Variants in SUPT5H observed in about 807,000 individuals in gnomAD.
SUPT5H encodes the protein transcription elongation factor SPT5.
Under a neutral mutation model 142.5 loss-of-function variants are expected in SUPT5H, and 24 were observed. The observed-to-expected ratio is 0.17, with a 90% CI of 0.12 to 0.24. SUPT5H has a LOEUF of 0.24. Ranked by LOEUF, SUPT5H falls within the 10% of genes least tolerant of loss-of-function variation. SUPT5H has a pLI of 1.00. For synonymous variants in SUPT5H, 546 were observed against 553.0 expected (o/e 0.99, Z 0.18); for missense variants, 893 against 1,471.8 (o/e 0.61, Z 6.43).
intron 2 of SUPT5H, among the ~76,000 whole-genome samples, chr19:39,450,336 C>T (rs2079005351): frequency 6.6e-6 from 1 of 151,788 alleles, no homozygotes; most frequent in South Asian, 2.1e-4. Flanking sequence ...AGTGTAGTGG[C>T]ACAATCGCGG....
intron 2 of SUPT5H, among the ~76,000 whole-genome samples, chr19:39,446,582 A>T (rs561638091): frequency 1.0e-3 from 155 of 152,294 alleles, no homozygotes; most frequent in Non-Finnish European, 1.7e-3. Context: ...AGGTGCAGAG[A>T]TGGGAGTGTG....
At position 39,452,901 on chromosome 19, in the gene SUPT5H, T is replaced by C. The variant is rs2079037891; in HGVS notation, c.76-455T>C. ...GGTGGCGCACACCTGTAATCTCAGC[T>C]ACTCAGGAGGCTGAGGCAAGAGAAT... On this transcript the variant is annotated intron_variant, in intron 2 of 29. Coordinates refer to ENST00000432763, the MANE Select transcript of SUPT5H (RefSeq NM_001111020.3). Among the ~76,000 whole-genome samples, 3 of 151,476 alleles carry C rather than the reference T, an allele frequency of 2.0e-5. No individual in the cohort carries two copies. The East Asian group carries it at 5.8e-4, about 29-fold the overall frequency.
chr19:39,453,627 G>A, intron 3 of SUPT5H, 106 bp downstream of exon 3: 1 of 1,343,776 alleles, frequency 7.4e-7, no homozygotes, highest in Non-Finnish European at 9.8e-7. Context: ...CGCCCAGGCT[G>A]GAGTGCAGTA....
chr19:39,454,330 AG>A (rs1425217211), intron 3 of SUPT5H, among the ~76,000 whole-genome samples: 1 of 151,146 alleles, frequency 6.6e-6, no homozygotes, highest in Admixed American at 6.6e-5. Context: ...TGCTAGGTAA[AG>A]GTGGTGCATT....
At chr19:39,450,621 A>T (rs1196038372) in intron 2 of SUPT5H, among the ~76,000 whole-genome samples, 1 of 152,236 alleles carries the variant, frequency 6.6e-6, no homozygotes. Context: ...GAAGCTGAGC[A>T]GGGGAACAAA....
chr19:39,465,361 C>T (rs910609635), intron 11 of SUPT5H, among the ~76,000 whole-genome samples: 3 of 152,092 alleles, frequency 2.0e-5, no homozygotes, highest in Non-Finnish European at 2.9e-5. Flanking sequence ...GCAGGGATGG[C>T]GTGAGATGAG....
At position 39,469,901 on chromosome 19, in the gene SUPT5H, G is replaced by A. The variant is rs1057008667; in HGVS notation, c.1375-218G>A. On this transcript the variant is annotated intron_variant, in intron 16 of 29. Transcript: ENST00000432763. This position sits in a 1 kb window ranked among gnomAD's most constrained non-coding sequence, Gnocchi z 5.1. ...GCATCGTGTGTCTTGAGGGCGGGCT[G>A]GGGTAAAGGTTGTCCAGGTTGGTGT... The A allele has an allele frequency of 6.9e-6, 4 of 580,772 alleles. No individual in the cohort carries two copies. Among genetic ancestry groups the A allele is most frequent in the South Asian group, 6.2e-5 (3 of 48,244 alleles). 36.0% of individuals were successfully genotyped at this position (580,772 alleles called of 1,614,324 possible).
At position 39,469,117 on chromosome 19, in the gene SUPT5H, A is replaced by G. The variant is rs2079282719; in HGVS notation, c.1182A>G (p.Glu394=). ...TGAAGCCAACACTCTCTGAGCTGGA[A>G]AAGTTTGAGGACCAGCCAGAGGGCA... ...EGVKPTLSEL[E]KFEDQPEGID... The change falls in exon 15 of 30, where the codon GAA becomes GAG. Residue 394 remains glutamate (E), a synonymous_variant. Transcript: ENST00000432763. The surrounding 1 kb of genome is among the most constrained non-coding windows in gnomAD (Gnocchi z 5.1). 1 of 1,614,184 alleles carries G rather than the reference A, an allele frequency of 6.2e-7. No homozygotes were observed. Among genetic ancestry groups the G allele is most frequent in the Non-Finnish European group, 8.5e-7 (1 of 1,180,020 alleles).
chr19:39,464,655 G>T, intron 10 of SUPT5H, 143 bp from the exon 11 acceptor site: 1 of 1,243,140 alleles, frequency 8.0e-7, no homozygotes, highest in Non-Finnish European at 1.1e-6. Flanking sequence ...ATTCTGCAGG[G>T]AACACCTTTG....
Position 39,457,700 on chromosome 19 carries a change from G to A in SUPT5H, c.267G>A (p.Glu89=), listed in dbSNP as rs1241831380. The A allele has an allele frequency of 3.7e-6, 6 of 1,614,130 alleles. No homozygotes were observed. In the South Asian group the frequency reaches 6.6e-5, roughly 18 times the overall value. ...ATGTTGACGATGAGTATGAGGACGA[G>A]GACCAGTGGGAGGATGGAGCAGAGG... ...EADVDDEYED[E]DQWEDGAEDI... Residue 89 remains glutamate (E), a synonymous_variant, in exon 4 of 30, where the codon GAG becomes GAA. Coordinates refer to ENST00000432763, the MANE Select transcript of SUPT5H (RefSeq NM_001111020.3).
Position 39,469,887 on chromosome 19 carries a change from C to T in SUPT5H, c.1375-232C>T. On this transcript the variant is annotated intron_variant, in intron 16 of 29. Coordinates refer to ENST00000432763, the MANE Select transcript of SUPT5H (RefSeq NM_001111020.3). The surrounding 1 kb of genome is among the most constrained non-coding windows in gnomAD (Gnocchi z 5.1). ...GTGGGTATAGGTAGGCATCGTGTGTCTTGAGGGCGGGCTGGGGTAAAGGTT... is the reference window on the plus strand; with the variant it reads ...GTGGGTATAGGTAGGCATCGTGTGTTTTGAGGGCGGGCTGGGGTAAAGGTT... 1.8e-6 allele frequency: 1 copy of T among 548,318 alleles called. No homozygotes were observed. The allele number at this position is 548,318 out of a possible 1,614,324, so 34.0% of individuals were successfully genotyped here. A position where few individuals can be genotyped will look rare whatever the true frequency, so the allele number is the denominator to read the frequency against.
chr19:39,458,735 C>T lies in SUPT5H; in HGVS notation c.320-83C>T. 7.5e-7 allele frequency: 1 copy of T among 1,335,242 alleles called. No individual in the cohort carries two copies. Among genetic ancestry groups the T allele is most frequent in the Non-Finnish European group, 1.0e-6 (1 of 970,522 alleles). The allele number at this position is 1,335,242 out of a possible 1,614,324, so 82.7% of individuals were successfully genotyped here. On this transcript the variant is annotated intron_variant, in intron 5 of 29. Transcript: ENST00000432763. This position sits in a 1 kb window ranked among gnomAD's most constrained non-coding sequence, Gnocchi z 4.2. Reference sequence around the variant, plus strand: ...TCCTGCCCCAGGGCCAAACCCTGGCCCTCTTAGCTGCACGCTCCTATTTTC... The same window carrying T: ...TCCTGCCCCAGGGCCAAACCCTGGCTCTCTTAGCTGCACGCTCCTATTTTC...
intron 10 of SUPT5H, 123 bp from the exon 11 acceptor site, chr19:39,464,675 C>G (rs1363821761): frequency 7.2e-7 from 1 of 1,394,710 alleles, no homozygotes; most frequent in Non-Finnish European, 9.7e-7. Context: ...GTGTCCATGT[C>G]ATTGTGCCAG....
intron 8 of SUPT5H, 103 bp from the exon 9 acceptor site, chr19:39,459,456 A>C: frequency 1.4e-6 from 2 of 1,466,952 alleles, no homozygotes; most frequent in African/African-American, 1.4e-5. Context: ...GTGTGAGGGA[A>C]CCTGGATGTG....
chr19:39,451,864 C>T (rs2079026724), intron 2 of SUPT5H, among the ~76,000 whole-genome samples: 1 of 152,098 alleles, frequency 6.6e-6, no homozygotes, highest in African/African-American at 2.4e-5. Context: ...GGATGTTCAA[C>T]CTGTATTAGG....
At chr19:39,450,038 A>G (rs1280827121) in intron 2 of SUPT5H, among the ~76,000 whole-genome samples, 3 of 151,358 alleles carry the variant, frequency 2.0e-5, no homozygotes, top group Non-Finnish European at 4.4e-5. Flanking sequence ...CCTGAGGATC[A>G]AGCAATCCTC....
In SUPT5H at chr19:39,469,974, A is replaced by AG; in HGVS notation, c.1375-143dup. The AG allele has an allele frequency of 9.3e-7, 1 of 1,077,864 alleles. No individual in the cohort carries two copies. The highest frequency in any genetic ancestry group is 1.3e-6 in the Non-Finnish European group (1 of 750,242). The allele number at this position is 1,077,864 out of a possible 1,614,324, so 66.8% of individuals were successfully genotyped here. On this transcript the variant is annotated intron_variant, in intron 16 of 29. Transcript: ENST00000432763. The surrounding 1 kb of genome is among the most constrained non-coding windows in gnomAD (Gnocchi z 5.1). Reference sequence around the variant, plus strand: ...TCTGGGGCAGTCTGAGGGGTCGTCCAGGTGGACTAAGGTAGTCTGGGGTGG... The same window carrying AG: ...TCTGGGGCAGTCTGAGGGGTCGTCCAGGGTGGACTAAGGTAGTCTGGGGTGG...
intron 13 of SUPT5H, 39 bp from the exon 14 acceptor site, chr19:39,468,717 A>C (rs2079276810): frequency 1.3e-6 from 2 of 1,575,610 alleles, no homozygotes; most frequent in East Asian, 2.2e-5. Flanking sequence ...TTTCTTCTTG[A>C]CTCTCCCTTC....
rs528608667 is a variant in SUPT5H, at chr19:39,473,884, G to A, written c.2493-79G>A. 3.1e-6 allele frequency: 5 copies of A among 1,587,492 alleles called. No homozygotes were observed. Among genetic ancestry groups the A allele is most frequent in the Middle Eastern group, 1.7e-4 (1 of 5,974 alleles). On this transcript the variant is annotated intron_variant, in intron 25 of 29. Coordinates refer to ENST00000432763, the MANE Select transcript of SUPT5H (RefSeq NM_001111020.3). This position sits in a 1 kb window ranked among gnomAD's most constrained non-coding sequence, Gnocchi z 5.8. ...GAGAATGAAATTGCTTCAGTTGGGG[G>A]TCTGGTGTAGGGTGCTGTTCTGGAA...
Sources: gnomAD v4.1 joint callset for allele counts (sites outside exome capture counted in the v4.1 genomes callset) on GRCh38, gnomAD v4.1.1 for gene constraint, Gnocchi (gnomAD v3.1) non-coding constraint, MANE v1.5 for transcripts, NCBI Gene and HGNC (gene_info 2026-07-23, HGNC 2026-07-21) for gene names.